The following ACACA variants were observed in gnomAD, a reference collection of about 807,000 sequenced individuals.
ACACA encodes the protein acetyl-CoA carboxylase alpha.
Under a neutral mutation model 296.1 loss-of-function variants are expected in ACACA, and 103 were observed. The ratio of observed to expected loss-of-function variants is 0.35; its 90% CI spans 0.30 to 0.41. ACACA has a LOEUF of 0.41. ACACA is among the 10% of genes least tolerant of loss of function. The pLI, the probability that ACACA is intolerant of heterozygous loss-of-function variation, is 1.00. For synonymous variants in ACACA, 953 were observed against 1,038.6 expected, an observed-to-expected ratio of 0.92 and a Z score of 1.58; for missense variants, 1,554 against 2,989.7, an observed-to-expected ratio of 0.52 and a Z score of 11.20.
At chr17:37,103,722 AACACAC>A (rs3049593) in intron 52 of ACACA, among the ~76,000 whole-genome samples, 5,752 of 148,762 alleles carry the variant, frequency 0.039, 343 homozygotes, top group African/African-American at 0.13. Flanking sequence ...CAAACACACA[AACACAC>A]ACACACACAC....
At chr17:37,200,522 T>G in intron 33 of ACACA, 39 bp from the exon 34 acceptor site, 156 of 1,402,902 alleles carry the variant, frequency 1.1e-4, no homozygotes, top group Non-Finnish European at 1.5e-4. Context: ...ATAGATGAGA[T>G]TTCCATTCAT....
At chr17:37,139,157 A>G (rs1332480015) in intron 45 of ACACA, among the ~76,000 whole-genome samples, 2 of 152,206 alleles carry the variant, frequency 1.3e-5, no homozygotes, top group Non-Finnish European at 2.9e-5. Flanking sequence ...AAAATTCAAC[A>G]TATGAAGGTG....
chr17:37,184,667 T>C lies in ACACA; in HGVS notation c.4777-3311A>G, dbSNP rs532071955. Among the ~76,000 whole-genome samples the C allele has an allele frequency of 1.4e-4, 22 of 151,948 alleles. No individual in the cohort carries two copies. The East Asian group carries it at 1.7e-3, about 12-fold the overall frequency. The stretch of plus-strand genomic sequence containing the variant: ...GAGTTTGAGACAAGCCTGGGCAACA[T>C]TGTGGGACCCTGTCTCTAAAAAAAT... On this transcript the variant is annotated intron_variant, in intron 39 of 55. Coordinates refer to ENST00000616317, the MANE Select transcript of ACACA (RefSeq NM_198834.3).
chr17:37,345,724 A>G (rs2048585223), intron 1 of ACACA, among the ~76,000 whole-genome samples: 1 of 152,214 alleles, frequency 6.6e-6, no homozygotes, highest in Non-Finnish European at 1.5e-5. Flanking sequence ...TCATGAGAAA[A>G]TATCAGACAA....
chr17:37,262,221 C>T (rs950489504), intron 11 of ACACA, among the ~76,000 whole-genome samples: 2 of 152,180 alleles, frequency 1.3e-5, no homozygotes, highest in Admixed American at 1.3e-4. Context: ...TTGCTGAGCA[C>T]ATGGTCACCC....
Position 37,097,178 on chromosome 17 carries a change from G to A in ACACA, c.6721-12C>T. 1 of 1,612,062 alleles carries A rather than the reference G, an allele frequency of 6.2e-7. No homozygotes were observed. On this transcript the variant is annotated splice_polypyrimidine_tract_variant and intron_variant, in intron 53 of 55. Coordinates refer to ENST00000616317, the MANE Select transcript of ACACA (RefSeq NM_198834.3). This position sits in a 1 kb window ranked among gnomAD's most constrained non-coding sequence, Gnocchi z 4.8. The stretch of plus-strand genomic sequence containing the variant: ...CAATCCAGGATATCCTACATGCAGA[G>A]AAGAATAAACTTAGCCCAGTCCTAA...
At chr17:37,196,886 T>A (rs2078027008) in intron 35 of ACACA, among the ~76,000 whole-genome samples, 1 of 152,212 alleles carries the variant, frequency 6.6e-6, no homozygotes, top group Admixed American at 6.5e-5. Flanking sequence ...AACATCATGA[T>A]CTACTTTATT....
intron 10 of ACACA, among the ~76,000 whole-genome samples, chr17:37,265,884 T>C (rs1383638302): frequency 2.0e-5 from 3 of 152,218 alleles, no homozygotes; most frequent in African/African-American, 7.2e-5. Context: ...TAGCTTTCTG[T>C]CTGCTTCCTG....
At chr17:37,293,794 C>T (rs919122624) in intron 3 of ACACA, among the ~76,000 whole-genome samples, 1 of 152,122 alleles carries the variant, frequency 6.6e-6, no homozygotes, top group Non-Finnish European at 1.5e-5. Context: ...CCCTCCTTGG[C>T]CTTCCAAAGT....
chr17:37,123,099 A>G (rs1394070528), intron 48 of ACACA, among the ~76,000 whole-genome samples: 1 of 152,172 alleles, frequency 6.6e-6, no homozygotes, highest in Non-Finnish European at 1.5e-5. Context: ...TTTCTATGGA[A>G]TATTAATAAT....
intron 22 of ACACA, 65 bp from the exon 23 acceptor site, chr17:37,242,118 C>A: frequency 8.3e-7 from 1 of 1,204,994 alleles, no homozygotes; most frequent in South Asian, 1.2e-5. Flanking sequence ...GCATCAGCCT[C>A]TATAGCACGA....
At chr17:37,093,060 T>C (rs1461222661) in intron 54 of ACACA, among the ~76,000 whole-genome samples, 1 of 152,194 alleles carries the variant, frequency 6.6e-6, no homozygotes, top group East Asian at 1.9e-4. Flanking sequence ...CAAGCAACAC[T>C]TTCCAGGTTC....
Position 37,204,674 on chromosome 17 carries a change from A to G in ACACA, c.4056+1091T>C, listed in dbSNP as rs79138849. ...ATTTGAGACAGTTCTTAAGACAAAC[A>G]AGATTTAGAAAGAAAGGTGAAAGAA... On this transcript the variant is annotated intron_variant, in intron 33 of 55. Coordinates refer to ENST00000616317, the MANE Select transcript of ACACA (RefSeq NM_198834.3). Among the ~76,000 whole-genome samples the G allele has an allele frequency of 8.9e-4, 135 of 152,310 alleles. 2 individuals are homozygous for G. The East Asian group carries it at 0.019, about 21-fold the overall frequency.
At chr17:37,327,855 GGTCCTTT>G (rs1029734086) in intron 3 of ACACA, among the ~76,000 whole-genome samples, 6 of 152,090 alleles carry the variant, frequency 3.9e-5, no homozygotes, top group Admixed American at 6.6e-5. Flanking sequence ...TAGTATCATT[GGTCCTTT>G]GTCCTTTGTC....
intron 29 of ACACA, 149 bp from the exon 30 acceptor site, chr17:37,210,639 A>G (rs2078704277): frequency 1.4e-6 from 1 of 718,064 alleles, no homozygotes; most frequent in Non-Finnish European, 2.5e-6. Context: ...ATTACCCTTC[A>G]ACCCCCAGGA....
chr17:37,312,564 G>A (rs1598460787), intron 3 of ACACA, among the ~76,000 whole-genome samples: 1 of 152,160 alleles, frequency 6.6e-6, no homozygotes, highest in East Asian at 1.9e-4. Context: ...TAAAAGTTGG[G>A]GTTGTTATCT....
chr17:37,188,339 C>T lies in ACACA; in HGVS notation c.4714G>A (p.Glu1572Lys), dbSNP rs773575682. Residue 1572 changes from glutamate to lysine, a missense_variant, in exon 39 of 56, where the codon GAG (glutamate) becomes AAG (lysine). This residue lies in a region of ACACA where 553 missense variants were observed against 1,043.6 expected (regional missense o/e 0.53). Transcript: ENST00000616317. The part of the protein sequence containing the change: ...AIPIRLFLTN[E>K]SGYYLDISLY... ...CTGATATCCAAGTAATAGCCAGACT[C>T]GTTTGTCAGGAAGAGGCGGATGGGA... 1.9e-6 allele frequency: 3 copies of T among 1,614,116 alleles called. No homozygotes were observed. Among genetic ancestry groups the T allele is most frequent in the Non-Finnish European group, 2.5e-6 (3 of 1,180,024 alleles).
rs890489574 is a variant in ACACA, at chr17:37,086,579, A to G, written c.*737T>C. The G allele has an allele frequency of 6.5e-6, 1 of 152,800 alleles. No homozygotes were observed. Among genetic ancestry groups the G allele is most frequent in the African/African-American group, 2.4e-5 (1 of 41,458 alleles). The allele number at this position is 152,800 out of a possible 1,614,324, so 9.5% of individuals were successfully genotyped here. A position where few individuals can be genotyped will look rare whatever the true frequency, so the allele number is the denominator to read the frequency against. ...CTAGTCCAGCAGTGACGTGCAGGCG[A>G]GAGGCAGGCCAACAACTACCTTTCC... is the stretch of plus-strand genomic sequence containing the variant. On this transcript the variant is annotated 3_prime_UTR_variant, in exon 56 of 56. Coordinates refer to ENST00000616317, the MANE Select transcript of ACACA (RefSeq NM_198834.3).
intron 3 of ACACA, among the ~76,000 whole-genome samples, chr17:37,319,913 T>C (rs1048617454): frequency 6.6e-6 from 1 of 152,040 alleles, no homozygotes; most frequent in Non-Finnish European, 1.5e-5. Flanking sequence ...ATCATGCCAC[T>C]GCACTCCAGC....
Sources: allele counts gnomAD v4.1 joint callset (sites outside exome capture counted in the v4.1 genomes callset), GRCh38; gene constraint gnomAD v4.1.1; regional missense constraint gnomAD v4.1.1; non-coding constraint Gnocchi (gnomAD v3.1); transcripts MANE v1.5; gene names NCBI Gene and HGNC (gene_info 2026-07-23, HGNC 2026-07-21).